NTM: variants seen among roughly 807,000 people sequenced by gnomAD.
NTM encodes the protein neurotrimin.
In NTM, 13 loss-of-function variants were observed where a neutral mutation model predicts 42.1. The ratio of observed to expected loss-of-function variants is 0.31; its 90% CI spans 0.20 to 0.49. NTM has a LOEUF of 0.49. Ranked by LOEUF, NTM falls within the 20% of genes least tolerant of loss-of-function variation. The pLI is 0.99. For synonymous variants in NTM, 187 were observed against 179.2 expected, an observed-to-expected ratio of 1.04 and a Z score of -0.35; for missense variants, 373 against 452.8, an observed-to-expected ratio of 0.82 and a Z score of 1.60.
chr11:131,487,723 C>A (rs946120097), intron 1 of NTM, among the ~76,000 whole-genome samples: 4 of 151,904 alleles, frequency 2.6e-5, no homozygotes, highest in East Asian at 1.9e-4. Flanking sequence ...GCTCTTGCTA[C>A]CCCTAGGCTT....
intron 1 of NTM, among the ~76,000 whole-genome samples, chr11:131,426,864 C>G (rs931074697): frequency 1.3e-5 from 2 of 152,118 alleles, no homozygotes; most frequent in Non-Finnish European, 2.9e-5. Context: ...TCCTCCTCCT[C>G]TATCCACAGA....
intron 2 of NTM, among the ~76,000 whole-genome samples, chr11:132,082,927 G>A (rs989576978): frequency 2.8e-4 from 42 of 152,264 alleles, no homozygotes; most frequent in Admixed American, 6.5e-4. Flanking sequence ...GAGGCTGCTG[G>A]CAGGCTCAGA....
At chr11:131,537,434 T>C (rs2052446765) in intron 1 of NTM, 1 of 152,122 alleles carries the variant, frequency 6.6e-6, no homozygotes, top group African/African-American at 2.4e-5. Context: ...ATAAGCAACT[T>C]GTGCGTCCGG....
chr11:131,592,503 C>T (rs2059446247), intron 1 of NTM, among the ~76,000 whole-genome samples: 1 of 141,958 alleles, frequency 7.0e-6, no homozygotes, highest in South Asian at 2.4e-4. Context: ...CCTTACAAAG[C>T]TTGGCATATA....
chr11:131,389,653 G>A (rs1264022937), intron 1 of NTM, among the ~76,000 whole-genome samples: 2 of 152,168 alleles, frequency 1.3e-5, no homozygotes, highest in African/African-American at 2.4e-5. Flanking sequence ...TAAGGGCTTC[G>A]TGAGAAGCTT....
At chr11:132,284,545 G>A (rs2094145081) in intron 4 of NTM, among the ~76,000 whole-genome samples, 1 of 151,850 alleles carries the variant, frequency 6.6e-6, no homozygotes, top group African/African-American at 2.4e-5. Context: ...GCTTCCAAAT[G>A]CCCCCACACT....
At chr11:132,141,262 C>T (rs769659350) in intron 2 of NTM, among the ~76,000 whole-genome samples, 3 of 151,750 alleles carry the variant, frequency 2.0e-5, no homozygotes, top group Non-Finnish European at 2.9e-5. Flanking sequence ...CCTCTCTCTC[C>T]CCCCTACCCC....
chr11:131,577,438 ACAAAGTGAGTGTCC>A (rs1188374312), intron 1 of NTM, among the ~76,000 whole-genome samples: 1 of 152,224 alleles, frequency 6.6e-6, no homozygotes, highest in African/African-American at 2.4e-5. Flanking sequence ...GATTTTATTA[ACAAAGTGAGTGTCC>A]CAAGAACCAG....
At chr11:132,211,533 G>A (rs1325378756) in intron 3 of NTM, among the ~76,000 whole-genome samples, 4 of 152,362 alleles carry the variant, frequency 2.6e-5, no homozygotes, top group African/African-American at 9.6e-5. Context: ...GATCACTGGG[G>A]ATGGCCATGG....
At chr11:132,020,535 AT>A (rs2074176537) in intron 2 of NTM, among the ~76,000 whole-genome samples, 1 of 152,114 alleles carries the variant, frequency 6.6e-6, no homozygotes, top group African/African-American at 2.4e-5. Flanking sequence ...TCTAATGAGT[AT>A]GCTACACATT....
chr11:132,047,800 A>G (rs1246529846), intron 2 of NTM, among the ~76,000 whole-genome samples: 2 of 152,188 alleles, frequency 1.3e-5, no homozygotes, highest in Non-Finnish European at 2.9e-5. Flanking sequence ...AATCAAGAGT[A>G]GGGTCCTCAT....
chr11:131,708,037 A>T (rs1039148887), intron 1 of NTM, among the ~76,000 whole-genome samples: 1 of 152,150 alleles, frequency 6.6e-6, no homozygotes, highest in Admixed American at 6.6e-5. Flanking sequence ...TCTACCAAAA[A>T]AGCTGGTAAG....
chr11:131,598,922 T>TCCTG, intron 1 of NTM, among the ~76,000 whole-genome samples: 1 of 73,864 alleles, frequency 1.4e-5, no homozygotes, highest in African/African-American at 3.5e-5. Flanking sequence ...CTTCCTTCCT[T>TCCTG]CTTTCCTTTC....
intron 4 of NTM, among the ~76,000 whole-genome samples, chr11:132,227,053 A>G (rs183011478): frequency 8.1e-4 from 123 of 152,338 alleles, no homozygotes; most frequent in Middle Eastern, 3.4e-3. Context: ...AATCCTAACC[A>G]TACAGGTGGT....
chr11:131,895,362 AG>A (rs36072583), intron 1 of NTM, among the ~76,000 whole-genome samples: 8,837 of 152,214 alleles, frequency 0.058, 302 homozygotes, highest in East Asian at 0.15. Context: ...ACAACCTGTT[AG>A]GACTCATTTA....
intron 2 of NTM, among the ~76,000 whole-genome samples, chr11:132,080,682 C>T (rs926012256): frequency 1.3e-5 from 2 of 152,080 alleles, no homozygotes; most frequent in Non-Finnish European, 2.9e-5. Flanking sequence ...CTGGACAGTC[C>T]CTGCAGGTTC....
intron 2 of NTM, among the ~76,000 whole-genome samples, chr11:132,114,436 C>T (rs12222235): frequency 0.28 from 43,126 of 152,002 alleles, 6,254 homozygotes; most frequent in Non-Finnish European, 0.32. Context: ...TTGCAGTTGG[C>T]AAGTTACTTT....
At chr11:131,385,013 A>G (rs543546525) in intron 1 of NTM, among the ~76,000 whole-genome samples, 1 of 152,308 alleles carries the variant, frequency 6.6e-6, no homozygotes, top group South Asian at 2.1e-4. Context: ...GAGTGGAATG[A>G]GGGAGAGATG....
chr11:132,334,817 G>A (rs1275155287), intron 8 of NTM, among the ~76,000 whole-genome samples: 3 of 151,632 alleles, frequency 2.0e-5, no homozygotes, highest in African/African-American at 7.3e-5. Context: ...TTTAACCTGA[G>A]CCTCATGTTC....
Sources: gnomAD v4.1 joint callset for allele counts (sites outside exome capture counted in the v4.1 genomes callset) on GRCh38, gnomAD v4.1.1 for gene constraint, MANE v1.5 for transcripts, NCBI Gene and HGNC (gene_info 2026-07-23, HGNC 2026-07-21) for gene names.